The following ESRRG variants were observed in gnomAD, a reference collection of about 807,000 sequenced individuals.
ESRRG encodes estrogen-related receptor gamma.
Under a neutral mutation model 44.0 loss-of-function variants are expected in ESRRG, and 13 were observed. That is an observed-to-expected ratio of 0.30 (90% confidence interval 0.19 to 0.47). ESRRG has a LOEUF of 0.47. ESRRG is among the 20% of genes least tolerant of loss of function. ESRRG has a pLI of 1.00. For missense variants in ESRRG, 395 were observed against 580.6 expected, an observed-to-expected ratio of 0.68 and a Z score of 3.29; for synonymous variants, 215 against 214.6, an observed-to-expected ratio of 1.00 and a Z score of -0.02.
At chr1:216,818,836 C>A (rs1216015791) in intron 2 of ESRRG, among the ~76,000 whole-genome samples, 1 of 152,104 alleles carries the variant, frequency 6.6e-6, no homozygotes, top group Non-Finnish European at 1.5e-5. Context: ...CATCACTCAG[C>A]TCCCACTTAT....
intron 1 of ESRRG, among the ~76,000 whole-genome samples, chr1:217,125,077 G>T (rs1459885364): frequency 6.6e-6 from 1 of 152,166 alleles, no homozygotes; most frequent in Non-Finnish European, 1.5e-5. Flanking sequence ...ACAGCTCAGG[G>T]CTGATCTGTA....
chr1:216,509,481 T>A (rs1211370172), intron 6 of ESRRG, among the ~76,000 whole-genome samples: 1 of 152,200 alleles, frequency 6.6e-6, no homozygotes, highest in Non-Finnish European at 1.5e-5. Flanking sequence ...TGGCATATCT[T>A]TAAGTGCTTG....
At chr1:217,110,698 C>A (rs1377007777) in intron 1 of ESRRG, among the ~76,000 whole-genome samples, 2 of 152,146 alleles carry the variant, frequency 1.3e-5, no homozygotes, top group Admixed American at 1.3e-4. Flanking sequence ...AACTCACTCA[C>A]TATCATAGGA....
At chr1:216,625,100 T>C (rs1352318378) in intron 3 of ESRRG, among the ~76,000 whole-genome samples, 1 of 152,180 alleles carries the variant, frequency 6.6e-6, no homozygotes, top group Admixed American at 6.5e-5. Context: ...GATCATCTTA[T>C]ACGTGGGCCA....
chr1:216,711,122 G>C (rs560087746), intron 1 of ESRRG, among the ~76,000 whole-genome samples: 2 of 152,178 alleles, frequency 1.3e-5, no homozygotes, highest in South Asian at 4.2e-4. Flanking sequence ...CCTATCGACC[G>C]AGCCAATTTC....
At chr1:216,663,664 GCAA>G (rs1304029034) in intron 2 of ESRRG, among the ~76,000 whole-genome samples, 3 of 151,532 alleles carry the variant, frequency 2.0e-5, no homozygotes, top group Admixed American at 6.6e-5. Flanking sequence ...GAGACCAAGA[GCAA>G]CAACAACAAC....
intron 2 of ESRRG, among the ~76,000 whole-genome samples, chr1:216,730,305 T>TAAAAAAAAAAAAAAAAAAAAAAAA (rs11445965): frequency 1.6e-5 from 2 of 121,412 alleles, no homozygotes; most frequent in East Asian, 2.4e-4. Flanking sequence ...CTTAGAAAGG[T>TAAAAAAAAAAAAAAAAAAAAAAAA]AAAAAAAAAA....
intron 2 of ESRRG, among the ~76,000 whole-genome samples, chr1:216,899,052 T>C (rs184792259): frequency 2.2e-4 from 33 of 152,190 alleles, no homozygotes; most frequent in African/African-American, 7.0e-4. Context: ...CTCCTAAGGG[T>C]CTCAGGAGAA....
chr1:216,722,036 T>C (rs2086444631), intron 1 of ESRRG, among the ~76,000 whole-genome samples: 1 of 152,210 alleles, frequency 6.6e-6, no homozygotes, highest in Non-Finnish European at 1.5e-5. Flanking sequence ...CGCTCAAACA[T>C]ACAGGAGCAG....
chr1:216,615,960 A>G (rs2061376866), intron 3 of ESRRG, among the ~76,000 whole-genome samples: 1 of 152,164 alleles, frequency 6.6e-6, no homozygotes, highest in Non-Finnish European at 1.5e-5. Context: ...TGCTGGGATT[A>G]CAGGCGTGAG....
intron 3 of ESRRG, among the ~76,000 whole-genome samples, chr1:216,647,661 A>G (rs1308923351): frequency 6.6e-6 from 1 of 152,174 alleles, no homozygotes; most frequent in African/African-American, 2.4e-5. Flanking sequence ...ACTCCCACCA[A>G]CGCTCAGATA....
intron 1 of ESRRG, among the ~76,000 whole-genome samples, chr1:216,996,996 A>T (rs1264196135): frequency 6.6e-6 from 1 of 152,232 alleles, no homozygotes; most frequent in African/African-American, 2.4e-5. Context: ...CAAAAGCCAC[A>T]GGAAACGGGC....
At chr1:216,805,530 T>C (rs2094761594) in intron 2 of ESRRG, among the ~76,000 whole-genome samples, 1 of 152,124 alleles carries the variant, frequency 6.6e-6, no homozygotes, top group Non-Finnish European at 1.5e-5. Flanking sequence ...CAAGTGAAAT[T>C]CCCTTCGTTG....
intron 3 of ESRRG, among the ~76,000 whole-genome samples, chr1:216,633,174 C>G (rs146380503): frequency 6.6e-6 from 1 of 152,176 alleles, no homozygotes; most frequent in South Asian, 2.1e-4. Flanking sequence ...CTGCTCACAC[C>G]ACCTCCAAAT....
intron 1 of ESRRG, among the ~76,000 whole-genome samples, chr1:217,030,376 T>C (rs1021442593): frequency 6.6e-6 from 1 of 152,202 alleles, no homozygotes; most frequent in Admixed American, 6.5e-5. Flanking sequence ...ACCATTTTCC[T>C]ATGACTCCCA....
At chr1:216,606,268 GAT>G (rs1473414328) in intron 3 of ESRRG, among the ~76,000 whole-genome samples, 1 of 152,100 alleles carries the variant, frequency 6.6e-6, no homozygotes, top group Non-Finnish European at 1.5e-5. Context: ...TTGGAGCTGT[GAT>G]ATGTTTAGAC....
At chr1:216,784,288 T>C (rs2094042923) in intron 2 of ESRRG, among the ~76,000 whole-genome samples, 1 of 152,080 alleles carries the variant, frequency 6.6e-6, no homozygotes, top group Non-Finnish European at 1.5e-5. Flanking sequence ...TAGTTAATTG[T>C]TGTCAAGATT....
chr1:216,971,006 C>T (rs957658774), intron 1 of ESRRG, among the ~76,000 whole-genome samples: 1 of 152,300 alleles, frequency 6.6e-6, no homozygotes, highest in Non-Finnish European at 1.5e-5. Context: ...GGGGGTGTGG[C>T]CCAGGGTGGG....
chr1:217,046,456 T>C (rs185194300), intron 1 of ESRRG, among the ~76,000 whole-genome samples: 78 of 152,332 alleles, frequency 5.1e-4, no homozygotes, highest in African/African-American at 1.8e-3. Flanking sequence ...TCAGATAACA[T>C]TCAAGAATCT....
Sources: gnomAD v4.1 joint callset for allele counts (sites outside exome capture counted in the v4.1 genomes callset) on GRCh38, gnomAD v4.1.1 for gene constraint, MANE v1.5 for transcripts, NCBI Gene and HGNC (gene_info 2026-07-23, HGNC 2026-07-21) for gene names.